The following ASPH variants were observed in gnomAD, a reference collection of about 807,000 sequenced individuals.
The protein encoded by ASPH is aspartate beta-hydroxylase.
Under a neutral mutation model 118.4 loss-of-function variants are expected in ASPH, and 100 were observed. The ratio of observed to expected loss-of-function variants is 0.84; its 90% CI spans 0.72 to 1.00. ASPH has a LOEUF of 1.00. Among genes scored for constraint, ASPH ranks in the 50% least tolerant of loss-of-function variants. The probability of loss-of-function intolerance (pLI) is 0.00; values close to 1 mark genes in which losing one functional copy is unlikely to be tolerated. For synonymous variants in ASPH, 315 were observed against 325.6 expected (o/e 0.97, Z 0.35); for missense variants, 920 against 919.5 (o/e 1.00, Z -0.01).
chr8:61,546,601 AGCTATAAAATATTCAAAGGCTAACCAATG>A (rs1823962667), intron 21 of ASPH, among the ~76,000 whole-genome samples: 1 of 152,232 alleles, frequency 6.6e-6, no homozygotes. Context: ...TGGTTCCCTG[AGCTATAAAATATTCAAAGGCTAACCAATG>A]GCAGCCTATT....
In ASPH at chr8:61,503,262, T is replaced by G. The variant is rs1805232733; in HGVS notation, c.*97A>C. 2.2e-6 allele frequency: 3 copies of G among 1,386,984 alleles called. No homozygotes were observed. Among genetic ancestry groups the G allele is most frequent in the Non-Finnish European group, 9.6e-7 (1 of 1,042,940 alleles). 85.9% of individuals were successfully genotyped at this position (1,386,984 alleles called of 1,614,324 possible). ...TACTCGGGCTGCAAGTCAAGGGAAT[T>G]GACTCTTGGTGTTCGAAATTCTATC... On this transcript the variant is annotated 3_prime_UTR_variant, in exon 25 of 25. Coordinates refer to ENST00000379454, the MANE Select transcript of ASPH (RefSeq NM_004318.4).
intron 3 of ASPH, among the ~76,000 whole-genome samples, chr8:61,673,890 AC>A (rs1336053335): frequency 6.6e-6 from 1 of 152,208 alleles, no homozygotes; most frequent in Admixed American, 6.5e-5. Flanking sequence ...TTCGTCAGCT[AC>A]CTGGGTGTCA....
chr8:61,641,534 A>C (rs752060485), intron 10 of ASPH, among the ~76,000 whole-genome samples: 39 of 152,226 alleles, frequency 2.6e-4, no homozygotes, highest in Non-Finnish European at 4.9e-4. Context: ...AAATTCTTTA[A>C]CTTTTCATAA....
chr8:61,606,025 A>G (rs1324739602), intron 14 of ASPH, among the ~76,000 whole-genome samples: 2 of 152,184 alleles, frequency 1.3e-5, no homozygotes, highest in Non-Finnish European at 2.9e-5. Context: ...GCGCAGAGGT[A>G]TGCAATTAAT....
At chr8:61,598,436 G>A (rs1467762074) in intron 14 of ASPH, among the ~76,000 whole-genome samples, 1 of 152,068 alleles carries the variant, frequency 6.6e-6, no homozygotes, top group Non-Finnish European at 1.5e-5. Context: ...ATGATAAAGG[G>A]ATCAATTCTT....
In ASPH at chr8:61,660,030, C is replaced by T. The variant is rs1372060678; in HGVS notation, c.323-6370G>A. On this transcript the variant is annotated intron_variant, in intron 3 of 24. Transcript: ENST00000379454. ...AACTTCTATTTAGATTCAAGGAGCA[C>T]GTGCAAGTTTGCTGCATGGGTATAT... The T allele has an allele frequency of 5.9e-5, 9 of 151,438 alleles. No homozygotes were observed. The South Asian group carries it at 6.3e-4, about 11-fold the overall frequency. 9.4% of individuals were successfully genotyped at this position (151,438 alleles called of 1,614,324 possible).
chr8:61,696,145 G>A (rs1216615868), intron 1 of ASPH, among the ~76,000 whole-genome samples: 1 of 152,166 alleles, frequency 6.6e-6, no homozygotes, highest in Non-Finnish European at 1.5e-5. Context: ...GGCCAGGTAG[G>A]ACAGGCTCTG....
At chr8:61,545,384 CCGAGTTTATGGCAT>C (rs1823459790) in intron 21 of ASPH, among the ~76,000 whole-genome samples, 1 of 152,170 alleles carries the variant, frequency 6.6e-6, no homozygotes, top group Non-Finnish European at 1.5e-5. Context: ...TTATAAGCCA[CCGAGTTTATGGCAT>C]TTTGTTACAG....
At chr8:61,633,648 C>A in intron 13 of ASPH, 35 bp downstream of exon 13, 2 of 1,558,218 alleles carry the variant, frequency 1.3e-6, no homozygotes, top group Admixed American at 1.9e-5. Flanking sequence ...TTAAGGATAA[C>A]AAAAGAGGAA....
At chr8:61,591,090 A>C (rs1033879404) in intron 14 of ASPH, among the ~76,000 whole-genome samples, 40 of 152,072 alleles carry the variant, frequency 2.6e-4, no homozygotes, top group African/African-American at 9.7e-4. Context: ...TGGATTGTTA[A>C]TTTCTGAACT....
At chr8:61,559,676 C>T (rs1045074631) in intron 18 of ASPH, among the ~76,000 whole-genome samples, 5 of 152,088 alleles carry the variant, frequency 3.3e-5, no homozygotes, top group African/African-American at 7.2e-5. Context: ...TATTTGACAT[C>T]ATCTTAAAAA....
At chr8:61,677,208 C>T (rs868765416) in intron 3 of ASPH, among the ~76,000 whole-genome samples, 72 of 152,068 alleles carry the variant, frequency 4.7e-4, no homozygotes, top group African/African-American at 1.5e-3. Flanking sequence ...CCAAACAGGC[C>T]TTAGGATAGA....
Position 61,636,780 on chromosome 8 carries a change from A to G in ASPH, c.889+1167T>C, listed in dbSNP as rs570663891. 2.0e-5 allele frequency among the ~76,000 whole-genome samples: 3 copies of G among 152,290 alleles called. No individual in the cohort carries two copies. In the South Asian group the frequency reaches 6.2e-4, roughly 32 times the overall value. ...AGAGATTATGGGTTTCCATCTTCTG[A>G]TTCTCACCAAATAAACATATAGACT... On this transcript the variant is annotated intron_variant, in intron 12 of 24. Coordinates refer to ENST00000379454, the MANE Select transcript of ASPH (RefSeq NM_004318.4).
Position 61,562,770 on chromosome 8 carries a change from C to T in ASPH, c.1411G>A (p.Asp471Asn), listed in dbSNP as rs372194017. 13 of 1,609,144 alleles carry T rather than the reference C, an allele frequency of 8.1e-6. No individual in the cohort carries two copies. Among genetic ancestry groups the T allele is most frequent in the South Asian group, 1.1e-5 (1 of 90,058 alleles). ...TCTTCATAAACTTTCTTTGCATTGT[C>T]ATTATCTCCTATCAAGAGGTATCCC... ...GVGYLLIGDN[D>N]NAKKVYEEVL... Residue 471 changes from aspartate to asparagine, a missense_variant, in exon 18 of 25, where the codon GAC becomes AAC. Transcript: ENST00000379454.
At chr8:61,644,527 A>C in intron 7 of ASPH, 73 bp downstream of exon 7, 1 of 1,033,072 alleles carries the variant, frequency 9.7e-7, no homozygotes, top group Admixed American at 2.8e-5. Context: ...AATAATAGAT[A>C]TTATGTATTT....
chr8:61,567,679 A>G (rs1267614488), intron 16 of ASPH, among the ~76,000 whole-genome samples: 1 of 152,188 alleles, frequency 6.6e-6, no homozygotes, highest in Non-Finnish European at 1.5e-5. Flanking sequence ...TCGTTCATTT[A>G]ACAACTGTTT....
At chr8:61,670,143 A>C (rs995751266) in intron 3 of ASPH, among the ~76,000 whole-genome samples, 7 of 152,160 alleles carry the variant, frequency 4.6e-5, no homozygotes, top group African/African-American at 1.7e-4. Flanking sequence ...TCTGAAGAAA[A>C]GTATATAGAC....
chr8:61,566,612 G>T (rs1026477653), intron 17 of ASPH, among the ~76,000 whole-genome samples: 11 of 152,202 alleles, frequency 7.2e-5, no homozygotes, highest in Admixed American at 7.2e-4. Context: ...TTTCCTGAAA[G>T]GAAGAGTCAA....
chr8:61,526,395 T>C (rs985743321), intron 21 of ASPH, among the ~76,000 whole-genome samples: 6 of 152,334 alleles, frequency 3.9e-5, no homozygotes, highest in African/African-American at 1.4e-4. Flanking sequence ...TAAAGACTTT[T>C]TTTTGAAACC....
Sources: allele counts gnomAD v4.1 joint callset (sites outside exome capture counted in the v4.1 genomes callset), GRCh38; gene constraint gnomAD v4.1.1; transcripts MANE v1.5; gene names NCBI Gene and HGNC (gene_info 2026-07-23, HGNC 2026-07-21).